Variants in MYO9A observed in about 807,000 individuals in gnomAD.
MYO9A encodes unconventional myosin-IXa.
MYO9A carries 103 observed loss-of-function variants against 293.3 expected under a neutral mutation model. The observed-to-expected ratio is 0.35, with a 90% CI of 0.30 to 0.41. The LOEUF (loss-of-function observed/expected upper bound fraction) is 0.41, where lower values mean the gene tolerates loss of function less well. Among genes scored for constraint, MYO9A ranks in the 10% least tolerant of loss-of-function variants. The probability of loss-of-function intolerance (pLI) is 1.00; values close to 1 mark genes in which losing one functional copy is unlikely to be tolerated. For synonymous variants in MYO9A, 1,001 were observed against 1,035.7 expected, an observed-to-expected ratio of 0.97 and a Z score of 0.64; for missense variants, 2,685 against 3,033.0, an observed-to-expected ratio of 0.89 and a Z score of 2.69.
At chr15:72,012,791 TCTAA>T (rs1311689443) in intron 6 of MYO9A, among the ~76,000 whole-genome samples, 7 of 152,300 alleles carry the variant, frequency 4.6e-5, no homozygotes, top group South Asian at 4.1e-4. Context: ...TAATGATTCT[TCTAA>T]CTAACAGTGT....
chr15:71,919,386 T>C (rs931690341), intron 18 of MYO9A, among the ~76,000 whole-genome samples: 16 of 151,956 alleles, frequency 1.1e-4, no homozygotes, highest in African/African-American at 3.9e-4. Flanking sequence ...GAGGCTGCAG[T>C]GAACCAGGAT....
At chr15:71,982,377 G>A (rs1015253116) in intron 11 of MYO9A, among the ~76,000 whole-genome samples, 2 of 151,782 alleles carry the variant, frequency 1.3e-5, no homozygotes, top group African/African-American at 4.8e-5. Context: ...TTTAGTTACT[G>A]ATTTCAGGTA....
At chr15:71,859,388 A>C (rs903719189) in intron 34 of MYO9A, among the ~76,000 whole-genome samples, 2 of 152,230 alleles carry the variant, frequency 1.3e-5, no homozygotes, top group African/African-American at 4.8e-5. Context: ...GTTCATCTTT[A>C]ATTGTAGCTT....
In MYO9A at chr15:71,888,094, A is replaced by G. The variant is rs1240761082; in HGVS notation, c.5165T>C (p.Val1722Ala). ...CTTATGAAGTTTTGCTTGTTCATCA[A>G]CTGACGAAAATCGCTGTGATGTCTG... is the stretch of plus-strand genomic sequence containing the variant. The part of the protein sequence containing the change: ...QRETSQRFSS[V>A]DEQAKLHKTM... Residue 1722 changes from valine (V) to alanine (A), a missense_variant, in exon 27 of 42, where the codon GTT (valine) becomes GCT (alanine). Val to Ala is a moderately conservative substitution (Grantham distance 64, BLOSUM62 0). Coordinates refer to ENST00000356056, the MANE Select transcript of MYO9A (RefSeq NM_006901.4). The G allele has an allele frequency of 2.5e-6, 4 of 1,606,464 alleles. No individual in the cohort carries two copies. Among genetic ancestry groups the G allele is most frequent in the Non-Finnish European group, 3.4e-6 (4 of 1,175,634 alleles).
In MYO9A at chr15:71,859,883, CG is replaced by C. The variant is rs3214958; in HGVS notation, c.6092-88del. ...TCAAGTATACTTTATTTTAGACCTA[CG>C]TTTTTTTCTTTAAATCTCAGACTGC... is the stretch of plus-strand genomic sequence containing the variant. On this transcript the variant is annotated intron_variant, in intron 33 of 41. Transcript: ENST00000356056. The C allele has an allele frequency of 0.21, 238,065 of 1,132,118 alleles. 26,803 individuals carry two copies. Among genetic ancestry groups the C allele is most frequent in the East Asian group, 0.38 (15,680 of 41,262 alleles). The allele number at this position is 1,132,118 out of a possible 1,614,324, so 70.1% of individuals were successfully genotyped here.
chr15:71,900,154 G>T (rs1425823547), intron 23 of MYO9A, 148 bp from the exon 24 acceptor site: 4 of 849,902 alleles, frequency 4.7e-6, no homozygotes. Context: ...AAGTTTTCTG[G>T]CCAGGTGCGG....
chr15:71,899,716 T>C lies in MYO9A; in HGVS notation c.3441A>G (p.Ser1147=), dbSNP rs112185313. The C allele has an allele frequency of 6.2e-7, 1 of 1,613,860 alleles. No individual in the cohort carries two copies. The highest frequency in any genetic ancestry group is 8.5e-7 in the Non-Finnish European group (1 of 1,179,924). ...EQRKKIILLQ[S]TCRGFRARQR... ...GTCTTGCTCTGAATCCTCTACATGT[T>C]GATTGCAAAAGGATAATTTTTTTCC... Residue 1147 remains serine, a synonymous_variant, in exon 24 of 42, where the codon TCA becomes TCG. Transcript: ENST00000356056.
intron 12 of MYO9A, 140 bp downstream of exon 12, chr15:71,978,031 C>G: frequency 1.1e-6 from 1 of 948,806 alleles, no homozygotes. Context: ...ATCAAGACTC[C>G]GTCTCAAAAA....
intron 27 of MYO9A, among the ~76,000 whole-genome samples, chr15:71,886,286 T>G (rs1181101674): frequency 1.3e-5 from 2 of 151,760 alleles, no homozygotes; most frequent in East Asian, 3.9e-4. Context: ...TACAGGGTTA[T>G]CTGGTTGGTT....
chr15:72,026,285 AAAAAAAAAAAAG>A (rs901575329), intron 4 of MYO9A, among the ~76,000 whole-genome samples: 12 of 144,148 alleles, frequency 8.3e-5, no homozygotes, highest in African/African-American at 1.8e-4. Context: ...GAAAAAAAAA[AAAAAAAAAAAAG>A]AAAGAAAAGA....
intron 9 of MYO9A, among the ~76,000 whole-genome samples, chr15:71,997,159 AC>A (rs1289931922): frequency 1.3e-5 from 2 of 152,198 alleles, no homozygotes; most frequent in Admixed American, 1.3e-4. Flanking sequence ...AAACAAAAAA[AC>A]AAATTAAGAT....
At chr15:71,938,537 C>T (rs776157017) in intron 16 of MYO9A, among the ~76,000 whole-genome samples, 4 of 151,922 alleles carry the variant, frequency 2.6e-5, no homozygotes, top group East Asian at 1.9e-4. Flanking sequence ...CAGAAAGCAG[C>T]GGAATAACCC....
Position 71,947,283 on chromosome 15 carries a change from GA to G in MYO9A, c.2302+4493del, listed in dbSNP as rs33945561. ...TGTGACAAGCCAGACTCCATCTCAG[GA>G]AAAAAAAAAAAAAAAAGTTTTATTT... is the stretch of plus-strand genomic sequence containing the variant. On this transcript the variant is annotated intron_variant, in intron 15 of 41. Transcript: ENST00000356056. Among the ~76,000 whole-genome samples the G allele has an allele frequency of 1.1e-3, 144 of 127,868 alleles. 1 individual carries two copies. The highest frequency in any genetic ancestry group is 8.4e-3 in the South Asian group (32 of 3,822). 83.9% of individuals were successfully genotyped at this position (127,868 alleles called of 152,430 possible).
intron 39 of MYO9A, among the ~76,000 whole-genome samples, chr15:71,835,139 A>G (rs2054888094): frequency 6.6e-6 from 1 of 152,212 alleles, no homozygotes; most frequent in Admixed American, 6.5e-5. Context: ...CTGGAATGGA[A>G]GGACACATGC....
rs551669327 is a variant in MYO9A, at chr15:71,963,612, G to A, written c.1987-3516C>T. Among the ~76,000 whole-genome samples the A allele has an allele frequency of 3.9e-5, 6 of 152,012 alleles. No homozygotes were observed. The East Asian group carries it at 9.7e-4, about 25-fold the overall frequency. ...TACAGGCATACACGCCACCACGCCT[G>A]GCTAATTTTCTATTTTTTTAGTAGA... On this transcript the variant is annotated intron_variant, in intron 13 of 41. Coordinates refer to ENST00000356056, the MANE Select transcript of MYO9A (RefSeq NM_006901.4).
chr15:72,116,291 C>CTG (rs1164708092), intron 1 of MYO9A, among the ~76,000 whole-genome samples: 4 of 151,654 alleles, frequency 2.6e-5, no homozygotes, highest in Non-Finnish European at 5.9e-5. Flanking sequence ...ACATTTTTTA[C>CTG]TGTGTGTGTG....
intron 8 of MYO9A, among the ~76,000 whole-genome samples, chr15:72,006,192 G>A (rs1384901162): frequency 6.6e-6 from 1 of 152,012 alleles, no homozygotes; most frequent in Non-Finnish European, 1.5e-5. Flanking sequence ...TCCCACCTCA[G>A]CCTACCAAGC....
chr15:72,008,783 G>A (rs1185300482), intron 7 of MYO9A, among the ~76,000 whole-genome samples: 1 of 152,074 alleles, frequency 6.6e-6, no homozygotes, highest in Non-Finnish European at 1.5e-5. Flanking sequence ...ACAATCCACT[G>A]AAAAACTCTT....
intron 18 of MYO9A, among the ~76,000 whole-genome samples, chr15:71,920,854 C>T (rs909737541): frequency 6.6e-6 from 1 of 152,006 alleles, no homozygotes; most frequent in South Asian, 2.1e-4. Flanking sequence ...GGCTGGGGCA[C>T]AAGAACTGCT....
Sources: allele counts gnomAD v4.1 joint callset (sites outside exome capture counted in the v4.1 genomes callset), GRCh38; gene constraint gnomAD v4.1.1; transcripts MANE v1.5; gene names NCBI Gene and HGNC (gene_info 2026-07-23, HGNC 2026-07-21).